GSTCD: variants seen among roughly 807,000 people sequenced by gnomAD.
GSTCD encodes the protein glutathione S-transferase C-terminal domain-containing protein.
In GSTCD, 44 loss-of-function variants were observed where a neutral mutation model predicts 68.3. That is an observed-to-expected ratio of 0.64 (90% CI 0.51 to 0.83). The LOEUF is 0.83. Ranked by LOEUF, GSTCD falls within the 40% of genes least tolerant of loss-of-function variation. The pLI is 0.00. For missense variants in GSTCD, 739 were observed against 735.9 expected, an observed-to-expected ratio of 1.00 and a Z score of -0.05; for synonymous variants, 273 against 255.2, an observed-to-expected ratio of 1.07 and a Z score of -0.67.
At chr4:105,726,509 A>C in intron 3 of GSTCD, 70 bp from the exon 4 acceptor site, 4 of 979,222 alleles carry the variant, frequency 4.1e-6, no homozygotes, top group Non-Finnish European at 5.9e-6. Flanking sequence ...TGTGGTTTGT[A>C]AAGTTACCTC....
At chr4:105,727,586 T>A (rs183700714) in intron 4 of GSTCD, among the ~76,000 whole-genome samples, 1 of 152,204 alleles carries the variant, frequency 6.6e-6, no homozygotes, top group Admixed American at 6.5e-5. Context: ...AGGTTTTGTT[T>A]AAATTTGTAA....
chr4:105,831,340 C>T (rs1305046143), intron 8 of GSTCD, among the ~76,000 whole-genome samples: 1 of 152,014 alleles, frequency 6.6e-6, no homozygotes, highest in Non-Finnish European at 1.5e-5. Context: ...TTTGAGGCTA[C>T]AAGAAAGGAA....
chr4:105,805,564 G>C (rs1156444303), intron 5 of GSTCD, among the ~76,000 whole-genome samples: 3 of 152,030 alleles, frequency 2.0e-5, no homozygotes, highest in Non-Finnish European at 2.9e-5. Context: ...TGGGAACAGA[G>C]TATACTCTGA....
intron 5 of GSTCD, among the ~76,000 whole-genome samples, chr4:105,739,429 A>G (rs1283123833): frequency 6.6e-6 from 1 of 152,220 alleles, no homozygotes; most frequent in African/African-American, 2.4e-5. Flanking sequence ...TTTGAGAAGA[A>G]CTGGTATTAG....
At chr4:105,725,993 A>G (rs1355241071) in intron 3 of GSTCD, among the ~76,000 whole-genome samples, 1 of 152,122 alleles carries the variant, frequency 6.6e-6, no homozygotes, top group Non-Finnish European at 1.5e-5. Flanking sequence ...TTAAAAGTTA[A>G]ATATACAGTT....
At chr4:105,778,855 A>G (rs930511891) in intron 5 of GSTCD, among the ~76,000 whole-genome samples, 1 of 152,116 alleles carries the variant, frequency 6.6e-6, no homozygotes, top group Non-Finnish European at 1.5e-5. Flanking sequence ...CAGATTCCTC[A>G]ATGTTAACAT....
chr4:105,832,679 GAGATAATAAAGTCTTTC>G (rs1723944581), intron 8 of GSTCD, among the ~76,000 whole-genome samples: 1 of 152,132 alleles, frequency 6.6e-6, no homozygotes, highest in Non-Finnish European at 1.5e-5. Flanking sequence ...ATCTAAATTG[GAGATAATAAAGTCTTTC>G]AGGGATGTTG....
intron 5 of GSTCD, among the ~76,000 whole-genome samples, chr4:105,791,285 C>T (rs909854335): frequency 1.3e-4 from 19 of 149,986 alleles, no homozygotes; most frequent in Admixed American, 1.1e-3. Context: ...CCCAGCTACT[C>T]GGGAGGCTGA....
At chr4:105,746,441 A>C (rs890172004) in intron 5 of GSTCD, 3 of 152,124 alleles carry the variant, frequency 2.0e-5, no homozygotes, top group Admixed American at 6.5e-5. Context: ...AAAAGGAAAA[A>C]ATTTAATGCA....
chr4:105,724,214 T>C (rs967883770), intron 3 of GSTCD, among the ~76,000 whole-genome samples: 1 of 151,840 alleles, frequency 6.6e-6, no homozygotes, highest in African/African-American at 2.4e-5. Flanking sequence ...TAATGGTTTC[T>C]ACGGAAACAT....
In GSTCD at chr4:105,719,532, G is replaced by A. The variant is rs1732797180; in HGVS notation, c.894+5G>A. 1 of 1,596,220 alleles carries A rather than the reference G, an allele frequency of 6.3e-7. No individual in the cohort carries two copies. The highest frequency in any genetic ancestry group is 1.7e-5 in the Admixed American group (1 of 59,908). Reference sequence around the variant, plus strand: ...CCCTGTATCCATCATTTCTTGGTAAGGTTTCATCTGGACTGTACACATTAC... The same window carrying A: ...CCCTGTATCCATCATTTCTTGGTAAAGTTTCATCTGGACTGTACACATTAC... On this transcript the variant is annotated splice_donor_5th_base_variant and intron_variant, in intron 3 of 11. Coordinates refer to ENST00000515279, the MANE Select transcript of GSTCD (RefSeq NM_001370181.1).
intron 1 of GSTCD, among the ~76,000 whole-genome samples, chr4:105,714,193 G>A (rs1267672369): frequency 6.6e-6 from 1 of 152,142 alleles, no homozygotes; most frequent in African/African-American, 2.4e-5. Context: ...GTCCAGGAAA[G>A]AGATGCACAC....
chr4:105,762,245 G>T (rs1734438202), intron 5 of GSTCD, among the ~76,000 whole-genome samples: 1 of 152,072 alleles, frequency 6.6e-6, no homozygotes, highest in African/African-American at 2.4e-5. Context: ...ATAATAATAG[G>T]TTATATATTT....
chr4:105,755,241 CAAGGTAGGAAGGTAGA>C (rs1420746406), intron 5 of GSTCD, among the ~76,000 whole-genome samples: 29 of 151,004 alleles, frequency 1.9e-4, no homozygotes, highest in African/African-American at 5.6e-4. Flanking sequence ...GAGACCCTGT[CAAGGTAGGAAGGTAGA>C]AAGGTAGGAA....
At chr4:105,819,009 A>G (rs1191701004) in intron 5 of GSTCD, among the ~76,000 whole-genome samples, 1 of 151,854 alleles carries the variant, frequency 6.6e-6, no homozygotes, top group African/African-American at 2.4e-5. Context: ...CTTAGTTGGT[A>G]ATAATGTAAA....
At chr4:105,779,831 G>A (rs1373314808) in intron 5 of GSTCD, among the ~76,000 whole-genome samples, 1 of 152,198 alleles carries the variant, frequency 6.6e-6, no homozygotes, top group East Asian at 1.9e-4. Flanking sequence ...GCCTATTAAT[G>A]CTCACTTAGT....
chr4:105,720,997 G>A (rs538059024), intron 3 of GSTCD, among the ~76,000 whole-genome samples: 5 of 150,650 alleles, frequency 3.3e-5, no homozygotes, highest in Admixed American at 2.6e-4. Flanking sequence ...TTTTGAGATG[G>A]AGTCTCGCTC....
intron 1 of GSTCD, among the ~76,000 whole-genome samples, chr4:105,711,745 C>G (rs749742411): frequency 6.6e-6 from 1 of 152,154 alleles, no homozygotes; most frequent in African/African-American, 2.4e-5. Flanking sequence ...TATATTTGCA[C>G]CCAGGTGGTC....
At chr4:105,785,224 CTT>C (rs1320999157) in intron 5 of GSTCD, among the ~76,000 whole-genome samples, 2 of 152,080 alleles carry the variant, frequency 1.3e-5, no homozygotes, top group Non-Finnish European at 2.9e-5. Flanking sequence ...AAATTGTTGA[CTT>C]ATAACATTTT....
Sources: gnomAD v4.1 joint callset for allele counts (sites outside exome capture counted in the v4.1 genomes callset) on GRCh38, gnomAD v4.1.1 for gene constraint, MANE v1.5 for transcripts, NCBI Gene and HGNC (gene_info 2026-07-23, HGNC 2026-07-21) for gene names.